SBF2: variants seen among roughly 807,000 people sequenced by gnomAD.
SBF2 encodes the protein myotubularin-related protein 13.
In SBF2, 112 loss-of-function variants were observed where a neutral mutation model predicts 225.2. The ratio of observed to expected loss-of-function variants is 0.50; its 90% CI spans 0.43 to 0.58. SBF2 has a LOEUF of 0.58. Ranked by LOEUF, SBF2 falls within the 20% of genes least tolerant of loss-of-function variation. The pLI is 0.00. For synonymous variants in SBF2, 763 were observed against 773.3 expected, an observed-to-expected ratio of 0.99 and a Z score of 0.22; for missense variants, 1,996 against 2,206.2, an observed-to-expected ratio of 0.90 and a Z score of 1.91.
intron 17 of SBF2, among the ~76,000 whole-genome samples, chr11:9,893,405 G>A (rs1164824976): frequency 1.3e-5 from 2 of 152,148 alleles, no homozygotes; most frequent in Non-Finnish European, 2.9e-5. Context: ...TACTGGAACT[G>A]GCCCTTATAA....
intron 2 of SBF2, among the ~76,000 whole-genome samples, chr11:10,179,416 C>A (rs568193602): frequency 9.7e-4 from 143 of 147,986 alleles, no homozygotes; most frequent in African/African-American, 3.2e-3. Context: ...AACAAACAAA[C>A]AAAAAAAACT....
intron 2 of SBF2, among the ~76,000 whole-genome samples, chr11:10,072,707 A>T (rs920042032): frequency 1.6e-4 from 25 of 151,644 alleles, no homozygotes; most frequent in Non-Finnish European, 2.5e-4. Context: ...AAAAACAAAA[A>T]AATCCAGTGG....
chr11:9,967,971 C>CTCTCTCTATATATATATATATATA (rs1260685462), intron 14 of SBF2, among the ~76,000 whole-genome samples: 2 of 91,506 alleles, frequency 2.2e-5, no homozygotes, highest in African/African-American at 3.8e-5. Context: ...CTCTCTCTCT[C>CTCTCTCTATATATATATATATATA]TATATATATA....
At position 9,895,958 on chromosome 11, in the gene SBF2, G is replaced by T; in HGVS notation, c.1914C>A (p.Thr638=). The T allele has an allele frequency of 6.2e-7, 1 of 1,611,982 alleles. No individual in the cohort carries two copies. Among genetic ancestry groups the T allele is most frequent in the South Asian group, 1.1e-5 (1 of 91,004 alleles). The change falls in exon 17 of 40, where the codon ACC becomes ACA. Residue 638 remains threonine, a synonymous_variant. Transcript: ENST00000256190. ...TGAAACTTACCCTATAGAAAGCACT[G>T]GTCAAAGGGAGTAATGCTGCGGCAA... ...YNIAAALLPL[T]SAFYRKLAPG... is the part of the protein sequence containing the mutation.
intron 16 of SBF2, among the ~76,000 whole-genome samples, chr11:9,897,293 A>G (rs1590366275): frequency 2.0e-5 from 3 of 152,128 alleles, no homozygotes; most frequent in Admixed American, 2.0e-4. Flanking sequence ...GTTGGAGTGC[A>G]GTGGTGTGAT....
chr11:10,294,338 C>A (rs1483799391), upstream of SBF2: 2 of 331,620 alleles, frequency 6.0e-6, no homozygotes, highest in Non-Finnish European at 1.1e-5. Flanking sequence ...GACTGCTGCG[C>A]TGGGGGAGTG....
chr11:9,954,472 TTAAAG>T (rs374179718), intron 16 of SBF2, among the ~76,000 whole-genome samples: 3 of 152,114 alleles, frequency 2.0e-5, no homozygotes, highest in African/African-American at 7.2e-5. Context: ...AAATAACACA[TTAAAG>T]TAAGAACATC....
intron 1 of SBF2, among the ~76,000 whole-genome samples, chr11:10,251,901 C>T (rs12288716): frequency 1.3e-5 from 2 of 152,150 alleles, no homozygotes; most frequent in Non-Finnish European, 2.9e-5. Context: ...GTCACTCTCT[C>T]ACCTAAGGGA....
Position 9,817,014 on chromosome 11 carries a change from T to G in SBF2, c.3804A>C (p.Ala1268=), listed in dbSNP as rs1177546660. ...TCAAGCGAGTGCTAGAGCGAAGACT[T>G]GCCCACACACCTTCACAAAAGCCAA... ...PAFALSPGVW[A]SLRSSTRLIS... Residue 1268 remains alanine, a synonymous_variant, in exon 29 of 40, where the codon GCA becomes GCC. Coordinates refer to ENST00000256190, the MANE Select transcript of SBF2 (RefSeq NM_030962.4). 3 of 1,613,986 alleles carry G rather than the reference T, an allele frequency of 1.9e-6. No homozygotes were observed. The African/African-American group carries it at 4.0e-5, about 22-fold the overall frequency.
chr11:9,919,267 C>CTTT (rs138526429), intron 16 of SBF2, among the ~76,000 whole-genome samples: 13 of 123,748 alleles, frequency 1.1e-4, no homozygotes, highest in African/African-American at 2.5e-4. Flanking sequence ...TCTTCTTCTT[C>CTTT]TTCTTTTTTT....
At chr11:9,941,264 A>C (rs1360956310) in intron 16 of SBF2, among the ~76,000 whole-genome samples, 1 of 152,184 alleles carries the variant, frequency 6.6e-6, no homozygotes, top group Non-Finnish European at 1.5e-5. Context: ...GCAGTAAGCT[A>C]TGATTCCCAC....
chr11:10,056,458 T>C (rs995032526), intron 2 of SBF2, among the ~76,000 whole-genome samples: 2 of 152,196 alleles, frequency 1.3e-5, no homozygotes, highest in Non-Finnish European at 2.9e-5. Flanking sequence ...ATCTTTCACC[T>C]TCCTGGTTAG....
At chr11:10,190,612 G>A (rs1479926331) in intron 2 of SBF2, among the ~76,000 whole-genome samples, 1 of 152,136 alleles carries the variant, frequency 6.6e-6, no homozygotes, top group Non-Finnish European at 1.5e-5. Flanking sequence ...TTTTCCACCA[G>A]TTGTAAGGCT....
chr11:9,961,807 A>T (rs1866586516), intron 16 of SBF2, 150 bp downstream of exon 16: 1 of 603,512 alleles, frequency 1.7e-6, no homozygotes, highest in African/African-American at 1.9e-5. Flanking sequence ...GTAATAAAAA[A>T]GTATTTGACA....
At chr11:10,211,854 T>C (rs1408616931) in intron 1 of SBF2, among the ~76,000 whole-genome samples, 1 of 152,026 alleles carries the variant, frequency 6.6e-6, no homozygotes, top group Non-Finnish European at 1.5e-5. Context: ...TCTAGCAAAG[T>C]TCTGTTTCTA....
intron 2 of SBF2, among the ~76,000 whole-genome samples, chr11:10,075,068 G>C (rs1951040065): frequency 6.6e-6 from 1 of 152,196 alleles, no homozygotes; most frequent in South Asian, 2.1e-4. Flanking sequence ...ACCAGAAGTT[G>C]GATGGCAATT....
chr11:10,275,002 T>C lies in SBF2; in HGVS notation c.55+19013A>G, dbSNP rs568181801. 3.9e-4 allele frequency among the ~76,000 whole-genome samples: 59 copies of C among 152,216 alleles called. No individual in the cohort carries two copies. The South Asian group carries it at 9.1e-3, about 24-fold the overall frequency. ...GAAATATGCAGCAGAACCACCACCA[T>C]CCTGGTTATGAATTAAAAGTAAAAA... On this transcript the variant is annotated intron_variant, in intron 1 of 39. Transcript: ENST00000256190.
At chr11:10,136,789 TAAG>T (rs1052823802) in intron 2 of SBF2, among the ~76,000 whole-genome samples, 18 of 152,248 alleles carry the variant, frequency 1.2e-4, no homozygotes, top group Non-Finnish European at 1.2e-4. Context: ...GCATTTGATA[TAAG>T]AAGTGTTGCG....
chr11:10,085,511 A>G (rs959439978), intron 2 of SBF2, among the ~76,000 whole-genome samples: 1 of 152,078 alleles, frequency 6.6e-6, no homozygotes, highest in African/African-American at 2.4e-5. Flanking sequence ...CTCTTCATAC[A>G]TACATTTCTC....
Sources: allele counts gnomAD v4.1 joint callset (sites outside exome capture counted in the v4.1 genomes callset), GRCh38; gene constraint gnomAD v4.1.1; transcripts MANE v1.5; gene names NCBI Gene and HGNC (gene_info 2026-07-23, HGNC 2026-07-21).